The following MYO3A variants were observed in gnomAD, a reference collection of about 807,000 sequenced individuals.
The protein encoded by MYO3A is myosin IIIA.
In MYO3A, 180 loss-of-function variants were observed where a neutral mutation model predicts 192.7. That is an observed-to-expected ratio of 0.93 (90% CI 0.83 to 1.06). The LOEUF is 1.06. Among genes scored for constraint, MYO3A ranks in the 50% least tolerant of loss-of-function variants. MYO3A has a pLI of 0.00. For synonymous variants in MYO3A, 628 were observed against 645.3 expected (o/e 0.97, Z 0.41); for missense variants, 1,896 against 1,905.0 (o/e 1.00, Z 0.09).
chr10:25,997,243 A>T lies in MYO3A; in HGVS notation c.493A>T (p.Lys165Ter), dbSNP rs754521083. Reference sequence around the variant, plus strand: ...TCTATTGACCACGGAAGGTGGAGTGAAACTAGTAGATTTTGGTAAGTTTTG... The same window carrying T: ...TCTATTGACCACGGAAGGTGGAGTGTAACTAGTAGATTTTGGTAAGTTTTG... ...NILLTTEGGV[K>*]LVDFGVSAQL... The change falls in exon 6 of 35, where the codon AAA (lysine) becomes TAA (stop). Residue 165 changes from lysine (K) to a stop codon, truncating the protein, a stop_gained. Transcript: ENST00000642920. LOFTEE classifies it high-confidence loss of function. 1 of 1,611,924 alleles carries T rather than the reference A, an allele frequency of 6.2e-7. No homozygotes were observed. The highest frequency in any genetic ancestry group is 1.7e-5 in the Admixed American group (1 of 60,020).
At chr10:26,098,890 T>C (rs939116018) in intron 17 of MYO3A, among the ~76,000 whole-genome samples, 1 of 152,210 alleles carries the variant, frequency 6.6e-6, no homozygotes, top group Non-Finnish European at 1.5e-5. Flanking sequence ...GTCTTGGCAA[T>C]GTGGGCTCTT....
At chr10:25,980,955 A>G (rs141106911) in intron 4 of MYO3A, among the ~76,000 whole-genome samples, 1 of 152,284 alleles carries the variant, frequency 6.6e-6, no homozygotes, top group East Asian at 1.9e-4. Context: ...AGTATCGCAT[A>G]GAGTAGATTC....
Position 26,132,793 on chromosome 10 carries a change from T to G in MYO3A, c.2262+4255T>G, listed in dbSNP as rs76835621. ...AGAAGTAGTTTTAGAAGCAGGAAAC[T>G]ATTACTATTTACAGCACATAATGGA... is the stretch of plus-strand genomic sequence containing the variant. On this transcript the variant is annotated intron_variant, in intron 20 of 34. Coordinates refer to ENST00000642920, the MANE Select transcript of MYO3A (RefSeq NM_017433.5). Among the ~76,000 whole-genome samples, 498 of 152,284 alleles carry G rather than the reference T, an allele frequency of 3.3e-3. 2 individuals are homozygous for G. The highest frequency in any genetic ancestry group is 4.7e-3 in the Non-Finnish European group (317 of 68,022).
chr10:26,186,449 G>C (rs527818662), intron 31 of MYO3A, among the ~76,000 whole-genome samples: 2 of 152,028 alleles, frequency 1.3e-5, no homozygotes, highest in East Asian at 3.9e-4. Flanking sequence ...TGTATTTTTA[G>C]TAGAGATGGT....
At chr10:26,089,722 C>T (rs769868907) in intron 15 of MYO3A, among the ~76,000 whole-genome samples, 1 of 152,094 alleles carries the variant, frequency 6.6e-6, no homozygotes, top group Non-Finnish European at 1.5e-5. Context: ...AGGATCTTGG[C>T]TCTGTAATTC....
chr10:26,026,159 C>A lies in MYO3A; in HGVS notation c.798-218C>A, dbSNP rs1842530315. On this transcript the variant is annotated intron_variant, in intron 9 of 34. Transcript: ENST00000642920. ...AAAGTTGGTATCACTGCAGCTTAAT[C>A]ACTCACAGATGTGTGCACTTTCACA... Among the ~76,000 whole-genome samples the A allele has an allele frequency of 2.0e-5, 3 of 146,494 alleles. No homozygotes were observed. The Admixed American group carries it at 2.1e-4, about 10-fold the overall frequency.
At chr10:25,953,576 G>C (rs1438801608) in intron 3 of MYO3A, among the ~76,000 whole-genome samples, 1 of 152,074 alleles carries the variant, frequency 6.6e-6, no homozygotes, top group African/African-American at 2.4e-5. Context: ...GGATTCAGGT[G>C]TGTGGCAGCA....
intron 31 of MYO3A, among the ~76,000 whole-genome samples, chr10:26,191,763 G>T (rs1010478997): frequency 6.6e-6 from 1 of 152,120 alleles, no homozygotes; most frequent in African/African-American, 2.4e-5. Flanking sequence ...TTTCACCCTC[G>T]GTTGAAGCTG....
intron 8 of MYO3A, chr10:26,022,523 C>G (rs1322211575): frequency 2.0e-5 from 3 of 152,118 alleles, no homozygotes; most frequent in Non-Finnish European, 4.4e-5. Context: ...CTTGTCCTAT[C>G]TAGATGTTCC....
intron 3 of MYO3A, among the ~76,000 whole-genome samples, chr10:25,952,850 G>A (rs1837293001): frequency 1.3e-5 from 2 of 150,358 alleles, no homozygotes; most frequent in Non-Finnish European, 2.9e-5. Context: ...TCTGCTTACA[G>A]GAGGCCACAA....
intron 6 of MYO3A, 47 bp downstream of exon 6, chr10:25,997,305 G>A (rs1433219389): frequency 1.5e-6 from 2 of 1,339,618 alleles, no homozygotes; most frequent in Non-Finnish European, 2.1e-6. Context: ...TAATGAACTA[G>A]TATGATATGA....
chr10:25,952,016 G>A (rs556721430), intron 2 of MYO3A, 78 bp from the exon 3 acceptor site: 86 of 1,061,432 alleles, frequency 8.1e-5, no homozygotes, highest in East Asian at 4.3e-4. Flanking sequence ...GAAAATATTC[G>A]CTAATTTCCC....
chr10:26,030,998 T>C (rs1344468716), intron 10 of MYO3A, among the ~76,000 whole-genome samples: 1 of 152,212 alleles, frequency 6.6e-6, no homozygotes, highest in Non-Finnish European at 1.5e-5. Flanking sequence ...CGAGTTAAAA[T>C]TGACAATGTT....
intron 2 of MYO3A, among the ~76,000 whole-genome samples, chr10:25,947,784 A>G (rs1481765731): frequency 1.3e-5 from 2 of 152,166 alleles, no homozygotes; most frequent in Non-Finnish European, 2.9e-5. Flanking sequence ...ATTCATTTCT[A>G]TTTAATATTC....
chr10:26,199,535 A>T (rs1240013741), intron 32 of MYO3A, among the ~76,000 whole-genome samples: 4 of 152,032 alleles, frequency 2.6e-5, no homozygotes, highest in African/African-American at 9.7e-5. Flanking sequence ...GCACTGCTGC[A>T]CTCCAGCCTG....
chr10:26,181,772 CAA>C (rs754705543), intron 31 of MYO3A, among the ~76,000 whole-genome samples: 9 of 90,350 alleles, frequency 1.0e-4, no homozygotes, highest in Non-Finnish European at 1.4e-4. Flanking sequence ...GCAATATGTC[CAA>C]AAAAAAAAAA....
chr10:26,210,012 A>T (rs73594320), intron 34 of MYO3A, among the ~76,000 whole-genome samples: 3,461 of 151,408 alleles, frequency 0.023, 129 homozygotes, highest in African/African-American at 0.076. Context: ...CTGAGGCTGG[A>T]GGATCAGTTG....
intron 10 of MYO3A, among the ~76,000 whole-genome samples, chr10:26,049,045 T>C (rs1371912010): frequency 1.3e-5 from 2 of 152,148 alleles, no homozygotes. Context: ...CTGAGTGTTT[T>C]GGAGAGAATA....
intron 14 of MYO3A, among the ~76,000 whole-genome samples, chr10:26,077,584 A>T (rs1037008839): frequency 6.6e-6 from 1 of 151,906 alleles, no homozygotes; most frequent in African/African-American, 2.4e-5. Context: ...CCATTCTCAG[A>T]GGGAATGCTT....
Sources: allele counts gnomAD v4.1 joint callset (sites outside exome capture counted in the v4.1 genomes callset), GRCh38; gene constraint gnomAD v4.1.1; transcripts MANE v1.5; gene names NCBI Gene and HGNC (gene_info 2026-07-23, HGNC 2026-07-21).